Variants in C12orf42 observed in about 807,000 individuals in gnomAD.
C12orf42 encodes chromosome 12 open reading frame 42, also known as uncharacterized protein C12orf42.
A neutral mutation model predicts 21.6 loss-of-function variants in C12orf42; 25 were observed. The ratio of observed to expected loss-of-function variants is 1.16; its 90% CI spans 0.84 to 1.62. The LOEUF is 1.62. Among genes scored for constraint, C12orf42 ranks in the 40% most tolerant of loss-of-function variants. The pLI is 0.00. For missense variants in C12orf42, 483 were observed against 459.3 expected, an observed-to-expected ratio of 1.05 and a Z score of -0.47; for synonymous variants, 174 against 175.0, an observed-to-expected ratio of 0.99 and a Z score of 0.05.
At chr12:103,116,381 A>AAAAAAATATATATAT in the C12orf42 span, among the ~76,000 whole-genome samples, 6 of 136,710 alleles carry the variant, frequency 4.4e-5, no homozygotes, top group African/African-American at 1.6e-4. Flanking sequence ...AAAAAAAAAA[A>AAAAAAATATATATAT]ATATATATAT....
chr12:103,229,391 G>T, the C12orf42 span, among the ~76,000 whole-genome samples: 1 of 152,166 alleles, frequency 6.6e-6, no homozygotes, highest in Non-Finnish European at 1.5e-5. Context: ...TTCTCTCAGC[G>T]ATTCAAAAAC....
chr12:103,446,299 G>C (rs1951571692), intron 2 of C12orf42, among the ~76,000 whole-genome samples: 1 of 151,920 alleles, frequency 6.6e-6, no homozygotes, highest in South Asian at 2.1e-4. Flanking sequence ...CAGTCTTCCA[G>C]ACAAACAAAT....
At chr12:103,560,583 T>C in the C12orf42 span, among the ~76,000 whole-genome samples, 1 of 152,214 alleles carries the variant, frequency 6.6e-6, no homozygotes, top group African/African-American at 2.4e-5. Flanking sequence ...CAAGGATACA[T>C]AGCTTTCATT....
intron 1 of C12orf42, among the ~76,000 whole-genome samples, chr12:103,486,485 A>C (rs1258579483): frequency 6.6e-6 from 1 of 152,046 alleles, no homozygotes; most frequent in Non-Finnish European, 1.5e-5. Flanking sequence ...AAAATGAGTT[A>C]GGGAGGATTC....
the C12orf42 span, among the ~76,000 whole-genome samples, chr12:103,071,015 G>A: frequency 6.6e-6 from 1 of 152,148 alleles, no homozygotes; most frequent in African/African-American, 2.4e-5. Context: ...CCATGTCAGA[G>A]TGAAGTAAAA....
chr12:103,183,828 A>T, the C12orf42 span, among the ~76,000 whole-genome samples: 1 of 151,990 alleles, frequency 6.6e-6, no homozygotes, highest in African/African-American at 2.4e-5. Context: ...TGATCTATGG[A>T]TTATTTAGAA....
chr12:103,207,105 G>C, the C12orf42 span, among the ~76,000 whole-genome samples: 1 of 152,218 alleles, frequency 6.6e-6, no homozygotes, highest in Non-Finnish European at 1.5e-5. Flanking sequence ...TTAAGAGTCA[G>C]TGCATGATTT....
chr12:103,457,216 G>A (rs914139818), intron 2 of C12orf42, among the ~76,000 whole-genome samples: 2 of 152,034 alleles, frequency 1.3e-5, no homozygotes, highest in South Asian at 2.1e-4. Context: ...ATGATGATAA[G>A]GGAATAGTTC....
chr12:103,253,321 G>GTT (rs57487789), intron 10 of C12orf42, among the ~76,000 whole-genome samples: 2 of 152,052 alleles, frequency 1.3e-5, no homozygotes, highest in Admixed American at 6.6e-5. Flanking sequence ...ATTTAAAGTA[G>GTT]TTTTTTTCTA....
intron 3 of C12orf42, among the ~76,000 whole-genome samples, chr12:103,379,108 T>C (rs1264336200): frequency 6.6e-6 from 1 of 152,088 alleles, no homozygotes; most frequent in African/African-American, 2.4e-5. Flanking sequence ...ATTCTCAATA[T>C]CATCTGAGGT....
chr12:103,360,950 T>C (rs1417014733), intron 4 of C12orf42, among the ~76,000 whole-genome samples: 1 of 152,142 alleles, frequency 6.6e-6, no homozygotes, highest in Admixed American at 6.6e-5. Flanking sequence ...TACCAGTTTA[T>C]ACTCTTGCAC....
At chr12:103,091,654 G>T in the C12orf42 span, among the ~76,000 whole-genome samples, 2 of 152,090 alleles carry the variant, frequency 1.3e-5, no homozygotes, top group Admixed American at 6.6e-5. Context: ...TGATGAAGGG[G>T]TAGATTCTTG....
chr12:103,475,664 G>A (rs75319385), intron 2 of C12orf42, among the ~76,000 whole-genome samples: 97 of 152,300 alleles, frequency 6.4e-4, no homozygotes, highest in African/African-American at 2.0e-3. Flanking sequence ...TGAAAAGACC[G>A]TTGAGGAATT....
intron 4 of C12orf42, among the ~76,000 whole-genome samples, chr12:103,357,748 C>T (rs1227819782): frequency 2.0e-5 from 3 of 152,128 alleles, no homozygotes; most frequent in East Asian, 3.9e-4. Flanking sequence ...GCTATATTTG[C>T]TGTAGCATTC....
the C12orf42 span, among the ~76,000 whole-genome samples, chr12:103,517,803 G>C: frequency 6.6e-6 from 1 of 152,042 alleles, no homozygotes; most frequent in African/African-American, 2.4e-5. Flanking sequence ...GCAAGGCGCT[G>C]CTCAGAGAAA....
chr12:103,101,493 C>T, the C12orf42 span, among the ~76,000 whole-genome samples: 1 of 152,172 alleles, frequency 6.6e-6, no homozygotes, highest in African/African-American at 2.4e-5. Context: ...AAATTGACAT[C>T]TTGTTCAGAA....
At chr12:103,498,185 C>T (rs937772081), upstream of C12orf42, among the ~76,000 whole-genome samples, 1 of 152,202 alleles carries the variant, frequency 6.6e-6, no homozygotes, top group African/African-American at 2.4e-5. Flanking sequence ...ATGCAATCAA[C>T]TAGAAAATAA....
chr12:103,191,543 C>CAAAAAAAAAAAAAAA, the C12orf42 span, among the ~76,000 whole-genome samples: 11 of 58,112 alleles, frequency 1.9e-4, no homozygotes, highest in East Asian at 5.6e-4. Flanking sequence ...CTCCACTCTA[C>CAAAAAAAAAAAAAAA]AAAAAAAAAA....
chr12:103,527,123 G>A, the C12orf42 span, among the ~76,000 whole-genome samples: 1 of 151,862 alleles, frequency 6.6e-6, no homozygotes, highest in African/African-American at 2.4e-5. Context: ...TGTAATTTGG[G>A]CAACGAGATG....
Sources: gnomAD v4.1 joint callset for allele counts (sites outside exome capture counted in the v4.1 genomes callset) on GRCh38, gnomAD v4.1.1 for gene constraint, MANE v1.5 for transcripts, NCBI Gene and HGNC (gene_info 2026-07-23, HGNC 2026-07-21) for gene names.